SPC24: variants seen among roughly 807,000 people sequenced by gnomAD.
The protein encoded by SPC24 is kinetochore protein Spc24.
SPC24 carries 31 observed loss-of-function variants against 27.6 expected under a neutral mutation model. The ratio of observed to expected loss-of-function variants is 1.12; its 90% CI spans 0.84 to 1.52. SPC24 has a LOEUF of 1.52. SPC24 is among the 40% of genes most tolerant of loss of function. The pLI is 0.00. For missense variants in SPC24, 284 were observed against 252.5 expected, an observed-to-expected ratio of 1.12 and a Z score of -0.84; for synonymous variants, 105 against 105.8, an observed-to-expected ratio of 0.99 and a Z score of 0.05.
intron 1 of SPC24, among the ~76,000 whole-genome samples, chr19:11,150,452 C>T (rs964861847): frequency 1.2e-4 from 18 of 151,488 alleles, no homozygotes; most frequent in African/African-American, 4.1e-4. Context: ...CGCCATTGCA[C>T]TCCAGTCTGG....
intron 1 of SPC24, among the ~76,000 whole-genome samples, chr19:11,151,366 T>C (rs1464325391): frequency 6.6e-6 from 1 of 152,072 alleles, no homozygotes; most frequent in East Asian, 1.9e-4. Flanking sequence ...GCCTCCACAT[T>C]TCTAAGTTAA....
chr19:11,153,663 G>C (rs1343133818), intron 1 of SPC24, among the ~76,000 whole-genome samples: 1 of 151,846 alleles, frequency 6.6e-6, no homozygotes, highest in Non-Finnish European at 1.5e-5. Flanking sequence ...GGCAGGCTGA[G>C]GCAGGAGAAT....
chr19:11,153,722 T>C (rs532744332), intron 1 of SPC24, among the ~76,000 whole-genome samples: 205 of 146,394 alleles, frequency 1.4e-3, no homozygotes, highest in Non-Finnish European at 2.4e-3. Flanking sequence ...ATCACGCTGC[T>C]GTACTCCAGC....
Position 11,150,315 on chromosome 19 carries a change from C to T in SPC24, c.161-1077G>A, listed in dbSNP as rs571356446. Among the ~76,000 whole-genome samples, 27 of 151,728 alleles carry T rather than the reference C, an allele frequency of 1.8e-4. No individual in the cohort carries two copies. The South Asian group carries it at 5.6e-3, about 32-fold the overall frequency. On this transcript the variant is annotated intron_variant, in intron 1 of 4. Coordinates refer to ENST00000592540, the MANE Select transcript of SPC24 (RefSeq NM_182513.4). The stretch of plus-strand genomic sequence containing the variant: ...CAGCCTGACCAACATGGAGAAACCC[C>T]ATCTCTACTAAAAATACAAAATTAG...
intron 1 of SPC24, among the ~76,000 whole-genome samples, chr19:11,154,309 G>T (rs2077895262): frequency 6.6e-6 from 1 of 152,176 alleles, no homozygotes; most frequent in African/African-American, 2.4e-5. Context: ...GGAGGCCGAG[G>T]TGGGCGATCA....
chr19:11,152,532 T>G (rs2077880529), intron 1 of SPC24, among the ~76,000 whole-genome samples: 1 of 152,140 alleles, frequency 6.6e-6, no homozygotes, highest in Non-Finnish European at 1.5e-5. Context: ...TTAACTCCTC[T>G]GCCCCACATC....
rs2077825175 is a variant in SPC24 at position 11,146,525 on chromosome 19, G to A, written c.*658C>T. 1 of 139,586 alleles carries A rather than the reference G, an allele frequency of 7.2e-6. No individual in the cohort carries two copies. The highest frequency in any genetic ancestry group is 1.5e-5 in the Non-Finnish European group (1 of 65,976). 8.6% of individuals were successfully genotyped at this position (139,586 alleles called of 1,614,324 possible). On this transcript the variant is annotated 3_prime_UTR_variant, in exon 5 of 5. Transcript: ENST00000592540. The stretch of plus-strand genomic sequence containing the variant: ...TCACACCTGTAATCCCAGCACTTTG[G>A]GAGGCCAAGGCGGGCAGATCACAAA...
chr19:11,155,061 C>T (rs1430801536), intron 1 of SPC24, among the ~76,000 whole-genome samples: 1 of 152,106 alleles, frequency 6.6e-6, no homozygotes, highest in Non-Finnish European at 1.5e-5. Context: ...TGGCAAGCGC[C>T]TGTAATCCCA....
rs750762207 is a variant in SPC24, at chr19:11,155,633, G to C, written c.144C>G (p.Ala48=). The C allele has an allele frequency of 8.4e-6, 13 of 1,548,100 alleles. No individual in the cohort carries two copies. The South Asian group carries it at 1.3e-4, about 15-fold the overall frequency. ...GACCCTCACCTCGCAGCTGCTTCTC[G>C]GCACCGTCTTGCGTTTCCAGCAGCC... ...VERLLETQDG[A]EKQLREILTM... is the part of the protein sequence containing the mutation. Residue 48 remains alanine, a synonymous_variant, in exon 1 of 5, where the codon GCC becomes GCG. Transcript: ENST00000592540.
rs71164155 is a variant in SPC24, at chr19:11,147,080, CAA to C, written c.*101_*102del. The stretch of plus-strand genomic sequence containing the variant: ...GGACAACAAGAGTGAAACTCTGTCT[CAA>C]AAAAAAAAAAAAAAAGATCTATGTC... On this transcript the variant is annotated 3_prime_UTR_variant, in exon 5 of 5. Transcript: ENST00000592540. The C allele has an allele frequency of 0.015, 5,940 of 392,460 alleles. No individual in the cohort carries two copies. Among genetic ancestry groups the C allele is most frequent in the South Asian group, 0.024 (789 of 33,518 alleles). The allele number at this position is 392,460 out of a possible 1,614,324, so 24.3% of individuals were successfully genotyped here. A position where few individuals can be genotyped will look rare whatever the true frequency, so the allele number is the denominator to read the frequency against.
intron 1 of SPC24, among the ~76,000 whole-genome samples, chr19:11,151,413 G>T (rs909462716): frequency 6.6e-6 from 1 of 152,044 alleles, no homozygotes; most frequent in Non-Finnish European, 1.5e-5. Context: ...GGTCTGGTTC[G>T]GATGGGGCCT....
At chr19:11,151,957 G>C (rs1304287706) in intron 1 of SPC24, among the ~76,000 whole-genome samples, 1 of 148,608 alleles carries the variant, frequency 6.7e-6, no homozygotes, top group Non-Finnish European at 1.5e-5. Flanking sequence ...GTCTTGCTCT[G>C]TTGCCCAGGC....
chr19:11,151,610 CT>C lies in SPC24; in HGVS notation c.161-2373del, dbSNP rs199874181. Among the ~76,000 whole-genome samples the C allele has an allele frequency of 3.0e-4, 14 of 46,416 alleles. No homozygotes were observed. In the South Asian group the frequency reaches 7.8e-3, roughly 26 times the overall value. The allele number at this position is 46,416 out of a possible 152,430, so 30.5% of individuals were successfully genotyped here. A position where few individuals can be genotyped will look rare whatever the true frequency, so the allele number is the denominator to read the frequency against. Reference sequence around the variant, plus strand: ...ATATTCTCACACAGCTGAGGGGATACTTTTTTTTTGGGGGGGGGGGATGGAG... The same window carrying C: ...ATATTCTCACACAGCTGAGGGGATACTTTTTTTTGGGGGGGGGGGATGGAG... On this transcript the variant is annotated intron_variant, in intron 1 of 4. Transcript: ENST00000592540.
intron 2 of SPC24, among the ~76,000 whole-genome samples, chr19:11,148,494 C>T (rs1379443573): frequency 3.3e-5 from 5 of 151,916 alleles, no homozygotes; most frequent in Admixed American, 2.0e-4. Flanking sequence ...AGGTGTGAGC[C>T]ACCGCGCCTG....
At chr19:11,152,304 G>C (rs558136747) in intron 1 of SPC24, among the ~76,000 whole-genome samples, 1 of 151,824 alleles carries the variant, frequency 6.6e-6, no homozygotes, top group East Asian at 1.9e-4. Context: ...CCACCTCCCA[G>C]GTTCAAGCAA....
At chr19:11,147,510 G>A (rs928999457) in intron 4 of SPC24, 20 of 569,416 alleles carry the variant, frequency 3.5e-5, no homozygotes, top group Admixed American at 9.2e-5. Context: ...ACAGGCATAT[G>A]CCACCACGCC....
chr19:11,147,061 C>G lies in SPC24; in HGVS notation c.*122G>C. ...TGCCATTGCACTCCAGACTGGACAA[C>G]AAGAGTGAAACTCTGTCTCAAAAAA... On this transcript the variant is annotated 3_prime_UTR_variant, in exon 5 of 5. Coordinates refer to ENST00000592540, the MANE Select transcript of SPC24 (RefSeq NM_182513.4). 1.7e-6 allele frequency: 1 copy of G among 587,042 alleles called. No individual in the cohort carries two copies. The highest frequency in any genetic ancestry group is 3.7e-5 in the Admixed American group (1 of 26,692). The allele number at this position is 587,042 out of a possible 1,614,324, so 36.4% of individuals were successfully genotyped here.
intron 4 of SPC24, chr19:11,147,560 C>G: frequency 1.8e-6 from 1 of 567,820 alleles, no homozygotes; most frequent in Non-Finnish European, 3.1e-6. Context: ...TCCCAAAGTG[C>G]TGGGATTACA....
Position 11,147,096 on chromosome 19 carries a change from AAG to A in SPC24, c.*85_*86del. ...ACTCTGTCTCAAAAAAAAAAAAAAA[AAG>A]ATCTATGTCCCCACATTTCATTTGA... On this transcript the variant is annotated 3_prime_UTR_variant, in exon 5 of 5. Coordinates refer to ENST00000592540, the MANE Select transcript of SPC24 (RefSeq NM_182513.4). 1 of 768,434 alleles carries A rather than the reference AAG, an allele frequency of 1.3e-6. No individual in the cohort carries two copies. The highest frequency in any genetic ancestry group is 2.0e-6 in the Non-Finnish European group (1 of 502,196). 47.6% of individuals were successfully genotyped at this position (768,434 alleles called of 1,614,324 possible).
Sources: allele counts gnomAD v4.1 joint callset (sites outside exome capture counted in the v4.1 genomes callset), GRCh38; gene constraint gnomAD v4.1.1; transcripts MANE v1.5; gene names NCBI Gene and HGNC (gene_info 2026-07-23, HGNC 2026-07-21).